Variants in POM121 observed in about 807,000 individuals in gnomAD.
The protein encoded by POM121 is nuclear envelope pore membrane protein POM 121.
A neutral mutation model predicts 81.3 loss-of-function variants in POM121; 32 were observed. That is an observed-to-expected ratio of 0.39 (90% confidence interval 0.30 to 0.53). POM121 has a LOEUF of 0.53. Among genes scored for constraint, POM121 ranks in the 20% least tolerant of loss-of-function variants. The pLI is 0.66. For synonymous variants in POM121, 514 were observed against 694.2 expected (o/e 0.74, Z 4.08); for missense variants, 1,138 against 1,614.6 (o/e 0.70, Z 5.06).
chr7:72,948,609 T>C (rs1554503918), downstream of POM121: 1 of 1,605,070 alleles, frequency 6.2e-7, no homozygotes, highest in Admixed American at 1.7e-5. Context: ...TAGAGAAATG[T>C]AGATGTTAGA....
In POM121 at chr7:72,912,542, C is replaced by T. The variant is rs544715849; in HGVS notation, c.-215-1223C>T. Among the ~76,000 whole-genome samples the T allele has an allele frequency of 7.2e-5, 11 of 152,046 alleles. No homozygotes were observed. In the South Asian group the frequency reaches 1.0e-3, roughly 14 times the overall value. On this transcript the variant is annotated intron_variant, in intron 3 of 15. Transcript: ENST00000395270. Reference sequence around the variant, plus strand: ...CTGTAATCCTAGCACTTTGGGAGGCCGAAGCAGGTGGATCATGAAGTCAGG... The same window carrying T: ...CTGTAATCCTAGCACTTTGGGAGGCTGAAGCAGGTGGATCATGAAGTCAGG...
intron 3 of POM121, among the ~76,000 whole-genome samples, chr7:72,909,633 C>A (rs547252308): frequency 6.6e-6 from 1 of 152,256 alleles, no homozygotes; most frequent in African/African-American, 2.4e-5. Context: ...CTGTGTGCAA[C>A]CCAGAGGCCA....
rs782801890 is a variant in POM121, at chr7:72,925,681, C to CGCG, written c.560_561insGCG (p.Pro187_Ser188insArg). ...TCCCCACCGCCGCGCTCCCCCCCGC[C>CGCG]CTCCCCGCCGACCCATCGCGCTCAC... On this transcript the variant is annotated inframe_insertion, in exon 1 of 13. Transcript: ENST00000434423. 2.6e-4 allele frequency: 321 copies of CGCG among 1,237,012 alleles called. No homozygotes were observed. The highest frequency in any genetic ancestry group is 9.7e-4 in the African/African-American group (60 of 61,786). The allele number at this position is 1,237,012 out of a possible 1,614,324, so 76.6% of individuals were successfully genotyped here. A position where few individuals can be genotyped will look rare whatever the true frequency, so the allele number is the denominator to read the frequency against.
chr7:72,950,052 G>A (rs1241150905), downstream of POM121: 6 of 1,554,284 alleles, frequency 3.9e-6, no homozygotes, highest in Non-Finnish European at 5.3e-6. Flanking sequence ...TATTCCTCTT[G>A]CCTACCCTGT....
At chr7:72,938,226 C>A (rs1189939365) in intron 5 of POM121, among the ~76,000 whole-genome samples, 1 of 150,306 alleles carries the variant, frequency 6.7e-6, no homozygotes, top group Non-Finnish European at 1.5e-5. Flanking sequence ...TTTTCATTTT[C>A]TTTTCTTTTT....
Position 72,943,377 on chromosome 7 carries a change from C to T in POM121, c.3384C>T (p.Ser1128=), listed in dbSNP as rs559574253. ...CCAGCACCACCACCGGAGCTTTCAG[C>T]TTTGGAGCAGGACAGAGTGGGAGCA... is the stretch of plus-strand genomic sequence containing the variant. The part of the protein sequence containing the change: ...PGSSTTTGAF[S]FGAGQSGSTA... The change falls in exon 11 of 13, where the codon AGC becomes AGT. Residue 1128 remains serine, a synonymous_variant. Transcript: ENST00000434423. 1.2e-6 allele frequency: 2 copies of T among 1,613,258 alleles called. No individual in the cohort carries two copies. The highest frequency in any genetic ancestry group is 2.7e-5 in the African/African-American group (2 of 74,958).
At chr7:72,915,755 C>A (rs1481490308) in intron 4 of POM121, among the ~76,000 whole-genome samples, 1 of 152,224 alleles carries the variant, frequency 6.6e-6, no homozygotes, top group Non-Finnish European at 1.5e-5. Context: ...TCACTGCAAC[C>A]TCCGCCTCCT....
chr7:72,906,586 C>T, intron 3 of POM121, among the ~76,000 whole-genome samples: 1 of 152,198 alleles, frequency 6.6e-6, no homozygotes, highest in East Asian at 1.9e-4. Context: ...CTGATCTCTA[C>T]ACTACAGCTT....
In POM121 at chr7:72,926,939, T is replaced by C. The variant is rs1563156455; in HGVS notation, c.998T>C (p.Leu333Pro). Residue 333 changes from leucine to proline, a missense_variant, in exon 3 of 13, where the codon CTT becomes CCT. Transcript: ENST00000434423. ...GTGGAGGAAGAAGACCAAATATTCC[T>C]TGATGGCCAGGAAAATAAAAGAAGG... ...RTVEEEDQIFLDGQENKRRRH... is the reference protein window; with the variant it reads ...RTVEEEDQIFPDGQENKRRRH... 1.2e-6 allele frequency: 2 copies of C among 1,613,972 alleles called. No individual in the cohort carries two copies. The highest frequency in any genetic ancestry group is 1.1e-5 in the South Asian group (1 of 91,076).
intron 3 of POM121, among the ~76,000 whole-genome samples, chr7:72,893,758 C>T (rs868918019): frequency 3.9e-5 from 6 of 152,118 alleles, no homozygotes; most frequent in African/African-American, 7.2e-5. Flanking sequence ...TCAGCAAGCG[C>T]TCTGGCAGGT....
rs1217505239 is a variant in POM121, at chr7:72,942,223, A to C, written c.2230A>C (p.Thr744Pro). The change falls in exon 11 of 13, where the codon ACA becomes CCA. Residue 744 changes from threonine (T) to proline (P), a missense_variant. This residue lies in a region of POM121 where 37 missense variants were observed against 62.8 expected (regional missense o/e 0.59). Transcript: ENST00000434423. Reference sequence around the variant, plus strand: ...ACCCAAGAGTGAGAAGGAAGGCCCCACACCGCCTGGCCCTTCAGTCACAGC... The same window carrying C: ...ACCCAAGAGTGAGAAGGAAGGCCCCCCACCGCCTGGCCCTTCAGTCACAGC... ...APPKSEKEGP[T>P]PPGPSVTATA... 1.2e-6 allele frequency: 2 copies of C among 1,609,498 alleles called. No homozygotes were observed. Among genetic ancestry groups the C allele is most frequent in the Admixed American group, 3.3e-5 (2 of 59,950 alleles).
At chr7:72,892,916 C>T (rs572366110) in intron 3 of POM121, among the ~76,000 whole-genome samples, 62 of 152,144 alleles carry the variant, frequency 4.1e-4, no homozygotes, top group Admixed American at 8.5e-4. Context: ...CCACCTGCCT[C>T]GGCCTCTCAA....
chr7:72,943,230 C>T lies in POM121; in HGVS notation c.3237C>T (p.Thr1079=), dbSNP rs368614425. 2.7e-5 allele frequency: 43 copies of T among 1,612,624 alleles called. No individual in the cohort carries two copies. Among genetic ancestry groups the T allele is most frequent in the Non-Finnish European group, 3.2e-5 (38 of 1,179,736 alleles). The part of the protein sequence containing the change: ...TSSGFGATTQ[T]ASSGSSSSVF... Reference sequence around the variant, plus strand: ...CCGGCTTTGGAGCCACCACCCAGACCGCCAGCAGCGGGAGCAGCAGCTCGG... The same window carrying T: ...CCGGCTTTGGAGCCACCACCCAGACTGCCAGCAGCGGGAGCAGCAGCTCGG... The change falls in exon 11 of 13, where the codon ACC becomes ACT. Residue 1079 remains threonine (T), a synonymous_variant. Coordinates refer to ENST00000434423, the MANE Select transcript of POM121 (RefSeq NM_001387691.1).
intron 3 of POM121, among the ~76,000 whole-genome samples, chr7:72,894,304 A>G (rs1416969950): frequency 6.6e-6 from 1 of 152,082 alleles, no homozygotes; most frequent in Non-Finnish European, 1.5e-5. Flanking sequence ...TAGGCCAGGC[A>G]TGGTGGCTCA....
rs567825883 is a variant in POM121, at chr7:72,887,613, G to A, written c.-520-3014G>A. On this transcript the variant is annotated intron_variant, in intron 1 of 15. Transcript: ENST00000395270. ...CAAGGCTAAGGCGGGCAGATCACGA[G>A]GTCAGGAGTTCAAGACCAGCCTGGC... 3.5e-4 allele frequency among the ~76,000 whole-genome samples: 54 copies of A among 152,240 alleles called. 1 individual carries two copies. In the South Asian group the frequency reaches 9.6e-3, roughly 27 times the overall value.
At chr7:72,908,271 T>C (rs1239424710) in intron 3 of POM121, among the ~76,000 whole-genome samples, 1 of 152,078 alleles carries the variant, frequency 6.6e-6, no homozygotes, top group African/African-American at 2.4e-5. Context: ...TAAAGCTGGG[T>C]GTCCGGGGGA....
At position 72,926,860 on chromosome 7, in the gene POM121, T is replaced by C. The variant is rs551118607; in HGVS notation, c.919T>C (p.Cys307Arg). ...ACCATCAAGTAACGCCCCAGACCCATGTGCAAAGGAGACAGTACTGAGTGC... is the reference window on the plus strand; with the variant it reads ...ACCATCAAGTAACGCCCCAGACCCACGTGCAAAGGAGACAGTACTGAGTGC... Reference protein sequence around the residue: ...SSPSSNAPDPCAKETVLSALK... With the variant: ...SSPSSNAPDPRAKETVLSALK... Residue 307 changes from cysteine (C) to arginine (R), a missense_variant, in exon 3 of 13, where the codon TGT becomes CGT. By Grantham distance (180) the Cys-to-Arg change is radical. Around this residue, in one of 7 missense-constraint regions of POM121, gnomAD observed 646 missense variants for 633.5 expected, o/e 1.02. Transcript: ENST00000434423. The C allele has an allele frequency of 1.2e-5, 19 of 1,613,886 alleles. No individual in the cohort carries two copies. In the African/African-American group the frequency reaches 1.5e-4, roughly 12 times the overall value.
rs202150482 is a variant in POM121 at position 72,912,929 on chromosome 7, GT to G, written c.-215-835del. ...ATGCCTACAGCCATGTCGAAATTGT[GT>G]CTGGAGAAGCACATGACGCAGACTC... is the stretch of plus-strand genomic sequence containing the variant. On this transcript the variant is annotated intron_variant, in intron 3 of 15. Coordinates refer to the POM121 transcript ENST00000395270. 6.9e-4 allele frequency among the ~76,000 whole-genome samples: 105 copies of G among 152,288 alleles called. No homozygotes were observed. In the East Asian group the frequency reaches 0.019, roughly 28 times the overall value.
intron 5 of POM121, among the ~76,000 whole-genome samples, chr7:72,933,243 A>C (rs1394093276): frequency 6.6e-6 from 1 of 151,974 alleles, no homozygotes; most frequent in Non-Finnish European, 1.5e-5. Flanking sequence ...AATCCCAGTT[A>C]CTTGGGAGGC....
Sources: allele counts gnomAD v4.1 joint callset (sites outside exome capture counted in the v4.1 genomes callset), GRCh38; gene constraint gnomAD v4.1.1; regional missense constraint gnomAD v4.1.1; transcripts MANE v1.5; gene names NCBI Gene and HGNC (gene_info 2026-07-23, HGNC 2026-07-21).